ZNF141: variants seen among roughly 807,000 people sequenced by gnomAD.
ZNF141 encodes zinc finger protein 141 (clone pHZ-44).
ZNF141 carries 7 observed loss-of-function variants against 11.3 expected under a neutral mutation model. The observed-to-expected ratio is 0.62, with a 90% CI of 0.35 to 1.16. The LOEUF is 1.16. Ranked by LOEUF, ZNF141 falls within the 50% of genes most tolerant of loss-of-function variation. The pLI is 0.02. For missense variants in ZNF141, 535 were observed against 554.0 expected (o/e 0.97, Z 0.34); for synonymous variants, 183 against 190.7 (o/e 0.96, Z 0.33).
intron 3 of ZNF141, among the ~76,000 whole-genome samples, chr4:370,404 G>A (rs144779424): frequency 4.6e-5 from 7 of 151,872 alleles, no homozygotes; most frequent in Admixed American, 3.9e-4. Flanking sequence ...TTTTTATAAG[G>A]CAGGTGTTGT....
chr4:348,742 A>C (rs933002716), intron 3 of ZNF141, among the ~76,000 whole-genome samples: 1 of 152,038 alleles, frequency 6.6e-6, no homozygotes, highest in Non-Finnish European at 1.5e-5. Context: ...AAAAAAAAAA[A>C]AACAAGTATG....
chr4:366,300 T>TA (rs1219395333), intron 3 of ZNF141, among the ~76,000 whole-genome samples: 4 of 152,210 alleles, frequency 2.6e-5, no homozygotes, highest in Non-Finnish European at 5.9e-5. Flanking sequence ...TTCAGTTTTT[T>TA]ATCAATTTTG....
chr4:356,332 G>GT (rs1581602373), intron 3 of ZNF141, among the ~76,000 whole-genome samples: 1 of 151,346 alleles, frequency 6.6e-6, no homozygotes, highest in African/African-American at 2.4e-5. Flanking sequence ...TTGTTTGTTT[G>GT]TTTTTTGAGA....
chr4:338,007 G>T, intron 1 of ZNF141, 21 bp downstream of exon 1: 1 of 1,612,928 alleles, frequency 6.2e-7, no homozygotes, highest in African/African-American at 1.3e-5. Context: ...GGGGCAGGGC[G>T]TCCCAAGGCT....
At chr4:359,453 C>G (rs1201682843) in intron 3 of ZNF141, among the ~76,000 whole-genome samples, 1 of 152,162 alleles carries the variant, frequency 6.6e-6, no homozygotes, top group African/African-American at 2.4e-5. Flanking sequence ...GAGCGTTGAT[C>G]ACAGCTGAGA....
intron 3 of ZNF141, among the ~76,000 whole-genome samples, chr4:361,062 T>C (rs1188581029): frequency 6.6e-6 from 1 of 152,232 alleles, no homozygotes; most frequent in Non-Finnish European, 1.5e-5. Context: ...TTTAGGTAGA[T>C]GTAAATATTT....
intron 3 of ZNF141, among the ~76,000 whole-genome samples, chr4:370,081 A>T (rs1711981370): frequency 6.6e-6 from 1 of 152,040 alleles, no homozygotes; most frequent in African/African-American, 2.4e-5. Flanking sequence ...ATATATTTTA[A>T]ACTCTTAAAA....
At chr4:338,316 C>G (rs1363232220) in intron 1 of ZNF141, 1 of 341,832 alleles carries the variant, frequency 2.9e-6, no homozygotes, top group African/African-American at 2.2e-5. Context: ...GTCTGGGGAT[C>G]CCGTCCCTGC....
chr4:383,246 C>T lies in ZNF141; in HGVS notation c.*9384C>T. 1 of 664,436 alleles carries T rather than the reference C, an allele frequency of 1.5e-6. No individual in the cohort carries two copies. Among genetic ancestry groups the T allele is most frequent in the Non-Finnish European group, 2.7e-6 (1 of 370,254 alleles). The allele number at this position is 664,436 out of a possible 1,614,324, so 41.2% of individuals were successfully genotyped here. On this transcript the variant is annotated 3_prime_UTR_variant, in exon 4 of 4. Coordinates refer to ENST00000240499, the MANE Select transcript of ZNF141 (RefSeq NM_003441.4). ...TCTAACCACTCACACCTGAAGGAGC[C>T]AAACTGAGCCCAGAAGAATGGCCCG...
At chr4:367,595 C>T (rs1217251985) in intron 3 of ZNF141, among the ~76,000 whole-genome samples, 2 of 150,636 alleles carry the variant, frequency 1.3e-5, no homozygotes, top group African/African-American at 4.9e-5. Flanking sequence ...CAGTTCACTG[C>T]AACCTCTGCC....
chr4:352,769 G>A (rs1253301699), intron 3 of ZNF141, among the ~76,000 whole-genome samples: 1 of 152,058 alleles, frequency 6.6e-6, no homozygotes, highest in Non-Finnish European at 1.5e-5. Flanking sequence ...TTACTGAGCT[G>A]TATTCAATAT....
Position 372,695 on chromosome 4 carries a change from G to A in ZNF141, c.258G>A (p.Trp86Ter). ...AMCSHFTQDH[W>*]PVQGIEDSFH... ...GTTCTCATTTCACCCAAGACCATTG[G>A]CCAGTGCAGGGCATAGAAGATTCAT... Residue 86 changes from tryptophan (W) to a stop codon, truncating the protein, a stop_gained, in exon 4 of 4, where the codon TGG becomes TGA. Transcript: ENST00000240499. LOFTEE classifies it low-confidence loss of function (END_TRUNC). 2 of 1,569,422 alleles carry A rather than the reference G, an allele frequency of 1.3e-6. No homozygotes were observed. The highest frequency in any genetic ancestry group is 1.7e-6 in the Non-Finnish European group (2 of 1,157,658).
At chr4:363,145 G>T (rs1177986662) in intron 3 of ZNF141, among the ~76,000 whole-genome samples, 2 of 152,152 alleles carry the variant, frequency 1.3e-5, no homozygotes, top group Non-Finnish European at 2.9e-5. Flanking sequence ...AAGCAATTGT[G>T]AATAGGAGTT....
At chr4:347,285 T>C (rs1282304264) in intron 3 of ZNF141, among the ~76,000 whole-genome samples, 2 of 151,152 alleles carry the variant, frequency 1.3e-5, no homozygotes, top group African/African-American at 2.4e-5. Flanking sequence ...GATCCACCCG[T>C]CTCAGCCTCC....
intron 3 of ZNF141, 40 bp from the exon 4 acceptor site, chr4:372,624 T>G: frequency 7.0e-7 from 1 of 1,421,912 alleles, no homozygotes; most frequent in East Asian, 2.3e-5. Context: ...TTTATATGAA[T>G]CTACTAAGTG....
chr4:338,086 C>G, intron 1 of ZNF141, 100 bp downstream of exon 1: 1 of 1,540,220 alleles, frequency 6.5e-7, no homozygotes, highest in Middle Eastern at 1.8e-4. Context: ...TCCCCGCTGC[C>G]GCCGCTCAGC....
At position 383,185 on chromosome 4, in the gene ZNF141, T is replaced by C. The variant is rs1553855916; in HGVS notation, c.*9323T>C. ...CAAAGTGCCTCAGTTTACAGACAGC[T>C]CACTCACAGAAGCAGAGCCACCTAA... On this transcript the variant is annotated 3_prime_UTR_variant, in exon 4 of 4. Coordinates refer to ENST00000240499, the MANE Select transcript of ZNF141 (RefSeq NM_003441.4). The C allele has an allele frequency of 1.4e-6, 1 of 700,778 alleles. No individual in the cohort carries two copies. Among genetic ancestry groups the C allele is most frequent in the Non-Finnish European group, 2.6e-6 (1 of 384,300 alleles). 43.4% of individuals were successfully genotyped at this position (700,778 alleles called of 1,614,324 possible). A position where few individuals can be genotyped will look rare whatever the true frequency, so the allele number is the denominator to read the frequency against.
At position 383,304 on chromosome 4, in the gene ZNF141, A is replaced by G. The variant is rs1178706717; in HGVS notation, c.*9442A>G. ...CCAGCCTAAATTTCTAACCAGCTCA[A>G]TCCTGAGCTAGTATGTTTCGGGATT... On this transcript the variant is annotated 3_prime_UTR_variant, in exon 4 of 4. Transcript: ENST00000240499. 14 of 605,094 alleles carry G rather than the reference A, an allele frequency of 2.3e-5. No homozygotes were observed. Among genetic ancestry groups the G allele is most frequent in the African/African-American group, 7.4e-5 (4 of 53,948 alleles). 37.5% of individuals were successfully genotyped at this position (605,094 alleles called of 1,614,324 possible).
At position 384,315 on chromosome 4, in the gene ZNF141, G is replaced by C. The variant is rs1553856119; in HGVS notation, c.*10453G>C. ...ACCCATCATTCCTTGTTTACCATCT[G>C]ATATTTGAAAAGAAGAGGAACCCCT... On this transcript the variant is annotated 3_prime_UTR_variant, in exon 4 of 4. Transcript: ENST00000240499. 6.6e-6 allele frequency: 1 copy of C among 152,270 alleles called. No individual in the cohort carries two copies. Among genetic ancestry groups the C allele is most frequent in the Non-Finnish European group, 1.5e-5 (1 of 68,094 alleles). 9.4% of individuals were successfully genotyped at this position (152,270 alleles called of 1,614,324 possible).
Sources: allele counts gnomAD v4.1 joint callset (sites outside exome capture counted in the v4.1 genomes callset), GRCh38; gene constraint gnomAD v4.1.1; transcripts MANE v1.5; gene names NCBI Gene and HGNC (gene_info 2026-07-23, HGNC 2026-07-21).